The following DERA variants were observed in gnomAD, a reference collection of about 807,000 sequenced individuals.
DERA encodes deoxyribose-phosphate aldolase, also known as 2-deoxy-D-ribose 5-phosphate aldolase.
Under a neutral mutation model 41.1 loss-of-function variants are expected in DERA, and 15 were observed. The observed-to-expected ratio is 0.37, with a 90% confidence interval of 0.24 to 0.56. The LOEUF (loss-of-function observed/expected upper bound fraction) is 0.56. DERA is among the 20% of genes least tolerant of loss of function. DERA has a pLI of 0.81. For missense variants in DERA, 396 were observed against 403.4 expected, an observed-to-expected ratio of 0.98 and a Z score of 0.16; for synonymous variants, 139 against 137.4, an observed-to-expected ratio of 1.01 and a Z score of -0.08.
rs188802087 is a variant in DERA, at chr12:15,985,468, C to T, written c.637+3032C>T. 2.0e-5 allele frequency: 3 copies of T among 151,916 alleles called. No individual in the cohort carries two copies. The highest frequency in any genetic ancestry group is 4.8e-5 in the African/African-American group (2 of 41,412). 9.4% of individuals were successfully genotyped at this position (151,916 alleles called of 1,614,324 possible). On this transcript the variant is annotated intron_variant, in intron 6 of 8. Transcript: ENST00000428559. This position sits in a 1 kb window ranked among gnomAD's most constrained non-coding sequence, Gnocchi z 4.2. Reference sequence around the variant, plus strand: ...ATATTGGTCATTTTTGTTTCCTTTCCTGTTGTTGTTTTTGCTTTTCTTTCC... The same window carrying T: ...ATATTGGTCATTTTTGTTTCCTTTCTTGTTGTTGTTTTTGCTTTTCTTTCC...
At chr12:16,025,502 A>G (rs1043505948) in intron 6 of DERA, among the ~76,000 whole-genome samples, 4 of 152,160 alleles carry the variant, frequency 2.6e-5, no homozygotes, top group Admixed American at 2.0e-4. Context: ...CAAGGAAGAC[A>G]TAACAATCCT....
At chr12:15,916,792 A>G (rs1160997573) in intron 1 of DERA, among the ~76,000 whole-genome samples, 1 of 152,100 alleles carries the variant, frequency 6.6e-6, no homozygotes, top group Non-Finnish European at 1.5e-5. Context: ...AATGTTTAAA[A>G]TAAGAGATGG....
Position 15,966,275 on chromosome 12 carries a change from C to A in DERA, c.508+3328C>A, listed in dbSNP as rs1308628786. Among the ~76,000 whole-genome samples, 1 of 152,042 alleles carries A rather than the reference C, an allele frequency of 6.6e-6. No homozygotes were observed. The highest frequency in any genetic ancestry group is 2.4e-5 in the African/African-American group (1 of 41,396). On this transcript the variant is annotated intron_variant, in intron 5 of 8. Transcript: ENST00000428559. This position sits in a 1 kb window ranked among gnomAD's most constrained non-coding sequence, Gnocchi z 5.1. Reference sequence around the variant, plus strand: ...GGTTGGGAGTTTGAGACCAGCCTGGCCAACATGGCAAAACCCTATCTCTAC... The same window carrying A: ...GGTTGGGAGTTTGAGACCAGCCTGGACAACATGGCAAAACCCTATCTCTAC...
intron 1 of DERA, among the ~76,000 whole-genome samples, chr12:15,926,527 G>A: frequency 6.6e-6 from 1 of 152,022 alleles, no homozygotes; most frequent in Non-Finnish European, 1.5e-5. Flanking sequence ...ACGAGATGAG[G>A]AGATCGAGAC....
chr12:15,960,551 C>G (rs879333377), intron 4 of DERA, among the ~76,000 whole-genome samples: 1 of 131,206 alleles, frequency 7.6e-6, no homozygotes, highest in East Asian at 2.4e-4. Context: ...GCTGGAGAAT[C>G]GTTTGAACCT....
rs1948927787 is a variant in DERA, at chr12:16,008,500, G to A, written c.638-24042G>A. 6.6e-6 allele frequency among the ~76,000 whole-genome samples: 1 copy of A among 152,218 alleles called. No individual in the cohort carries two copies. Among genetic ancestry groups the A allele is most frequent in the Non-Finnish European group, 1.5e-5 (1 of 68,034 alleles). On this transcript the variant is annotated intron_variant, in intron 6 of 8. Transcript: ENST00000428559. This position sits in a 1 kb window ranked among gnomAD's most constrained non-coding sequence, Gnocchi z 4.8. ...GGAAGGATAACTCGTGTCCCTGGTT[G>A]CAGAGTCTGAGTGATCCCCCCAGTA... is the stretch of plus-strand genomic sequence containing the variant.
chr12:15,982,440 A>G lies in DERA; in HGVS notation c.637+4A>G, dbSNP rs767773026. 3 of 1,600,384 alleles carry G rather than the reference A, an allele frequency of 1.9e-6. No homozygotes were observed. The highest frequency in any genetic ancestry group is 2.2e-5 in the East Asian group (1 of 44,786). ...AGTATGATAGCAATGATGGCAGGTAAGTGTTTTATGTTCAAATAATGTTTT... is the reference window on the plus strand; with the variant it reads ...AGTATGATAGCAATGATGGCAGGTAGGTGTTTTATGTTCAAATAATGTTTT... On this transcript the variant is annotated splice_donor_region_variant and intron_variant, in intron 6 of 8. Transcript: ENST00000428559. This position sits in a 1 kb window ranked among gnomAD's most constrained non-coding sequence, Gnocchi z 4.0.
In DERA at chr12:15,913,497, T is replaced by C. The variant is rs1948178538; in HGVS notation, c.31+2083T>C. Among the ~76,000 whole-genome samples, 1 of 152,242 alleles carries C rather than the reference T, an allele frequency of 6.6e-6. No individual in the cohort carries two copies. Among genetic ancestry groups the C allele is most frequent in the Admixed American group, 6.5e-5 (1 of 15,284 alleles). On this transcript the variant is annotated intron_variant, in intron 1 of 8. Coordinates refer to ENST00000428559, the MANE Select transcript of DERA (RefSeq NM_015954.4). The surrounding 1 kb of genome is among the most constrained non-coding windows in gnomAD (Gnocchi z 4.5). Reference sequence around the variant, plus strand: ...AAGTCTTTTTAATAAACATCGTAACTAATTTCTAAAATAAATTAACATTTT... The same window carrying C: ...AAGTCTTTTTAATAAACATCGTAACCAATTTCTAAAATAAATTAACATTTT...
intron 1 of DERA, among the ~76,000 whole-genome samples, chr12:15,925,520 G>A (rs1948275731): frequency 6.6e-6 from 1 of 152,056 alleles, no homozygotes; most frequent in Non-Finnish European, 1.5e-5. Context: ...GAACCATCTG[G>A]GAGTGAAATT....
chr12:16,022,964 C>T (rs960490046), intron 6 of DERA, among the ~76,000 whole-genome samples: 1 of 152,116 alleles, frequency 6.6e-6, no homozygotes, highest in Non-Finnish European at 1.5e-5. Flanking sequence ...CCAGCATATT[C>T]CCTATAGTAA....
chr12:16,005,930 A>T (rs1253691161), intron 6 of DERA, among the ~76,000 whole-genome samples: 1 of 152,218 alleles, frequency 6.6e-6, no homozygotes, highest in Non-Finnish European at 1.5e-5. Context: ...ATAAGTGGTC[A>T]ATTTTAGAAA....
At chr12:15,939,011 T>G (rs1488210468) in intron 1 of DERA, among the ~76,000 whole-genome samples, 2 of 152,216 alleles carry the variant, frequency 1.3e-5, no homozygotes, top group African/African-American at 4.8e-5. Flanking sequence ...GCTGACCCTG[T>G]AAGTCCCTTT....
At chr12:15,929,457 A>G (rs949649448) in intron 1 of DERA, among the ~76,000 whole-genome samples, 1 of 152,116 alleles carries the variant, frequency 6.6e-6, no homozygotes, top group East Asian at 1.9e-4. Flanking sequence ...AATGTAGCGG[A>G]GGCTTGTTTG....
rs538064064 is a variant in DERA at position 16,037,060 on chromosome 12, A to G, written c.*314A>G. ...ATCAAATTCTAAGGGAGAAAAAAAC[A>G]ATATTAAACCGCCCAAGCAGTGTGC... On this transcript the variant is annotated 3_prime_UTR_variant, in exon 9 of 9. Coordinates refer to ENST00000428559, the MANE Select transcript of DERA (RefSeq NM_015954.4). This position sits in a 1 kb window ranked among gnomAD's most constrained non-coding sequence, Gnocchi z 6.7. 2.0e-4 allele frequency: 55 copies of G among 272,892 alleles called. No homozygotes were observed. The East Asian group carries it at 4.8e-3, about 24-fold the overall frequency. 16.9% of individuals were successfully genotyped at this position (272,892 alleles called of 1,614,324 possible). A position where few individuals can be genotyped will look rare whatever the true frequency, so the allele number is the denominator to read the frequency against.
At chr12:16,027,239 A>G (rs12366659) in intron 6 of DERA, among the ~76,000 whole-genome samples, 36,474 of 152,196 alleles carry the variant, frequency 0.24, 4,571 homozygotes, top group Admixed American at 0.32. Context: ...GGATAAGGCA[A>G]GGATATTCTC....
chr12:15,920,846 A>ACC (rs369973750), intron 1 of DERA, among the ~76,000 whole-genome samples: 35 of 150,990 alleles, frequency 2.3e-4, no homozygotes, highest in African/African-American at 8.0e-4. Context: ...TCTCAAAAAT[A>ACC]CCCCCCCCAA....
intron 6 of DERA, among the ~76,000 whole-genome samples, chr12:16,027,070 A>C (rs543062367): frequency 2.0e-5 from 3 of 152,208 alleles, no homozygotes; most frequent in Non-Finnish European, 4.4e-5. Context: ...GATACTGACA[A>C]GGCATCTGAC....
In DERA at chr12:16,035,797, T is replaced by C. The variant is rs180925111; in HGVS notation, c.751-435T>C. 6.6e-6 allele frequency among the ~76,000 whole-genome samples: 1 copy of C among 152,352 alleles called. No homozygotes were observed. The highest frequency in any genetic ancestry group is 6.5e-5 in the Admixed American group (1 of 15,308). On this transcript the variant is annotated intron_variant, in intron 7 of 8. Coordinates refer to ENST00000428559, the MANE Select transcript of DERA (RefSeq NM_015954.4). This position sits in a 1 kb window ranked among gnomAD's most constrained non-coding sequence, Gnocchi z 4.1. Reference sequence around the variant, plus strand: ...TGTCCTTTGATTTTAAATGCACGTGTCTTTTGAACCTCAAGATGAAGGCTG... The same window carrying C: ...TGTCCTTTGATTTTAAATGCACGTGCCTTTTGAACCTCAAGATGAAGGCTG...
At chr12:15,964,868 A>T (rs1592022998) in intron 5 of DERA, among the ~76,000 whole-genome samples, 1 of 152,214 alleles carries the variant, frequency 6.6e-6, no homozygotes, top group Non-Finnish European at 1.5e-5. Flanking sequence ...ATGAACTAGG[A>T]ATGGTTGTTT....
Sources: gnomAD v4.1 joint callset for allele counts (sites outside exome capture counted in the v4.1 genomes callset) on GRCh38, gnomAD v4.1.1 for gene constraint, Gnocchi (gnomAD v3.1) non-coding constraint, MANE v1.5 for transcripts, NCBI Gene and HGNC (gene_info 2026-07-23, HGNC 2026-07-21) for gene names.